ABCB1: variants seen among roughly 807,000 people sequenced by gnomAD.
The protein encoded by ABCB1 is ATP-dependent translocase ABCB1.
Under a neutral mutation model 142.0 loss-of-function variants are expected in ABCB1, and 69 were observed. The ratio of observed to expected loss-of-function variants is 0.49; its 90% CI spans 0.40 to 0.59. The LOEUF (loss-of-function observed/expected upper bound fraction) is 0.59. Ranked by LOEUF, ABCB1 falls within the 20% of genes least tolerant of loss-of-function variation. ABCB1 has a pLI of 0.00. For synonymous variants in ABCB1, 532 were observed against 539.2 expected, an observed-to-expected ratio of 0.99 and a Z score of 0.18; for missense variants, 1,326 against 1,554.7, an observed-to-expected ratio of 0.85 and a Z score of 2.47.
At chr7:87,568,242 C>CAATAATAATAATAATAATAATAACAAT (rs1554435542) in intron 5 of ABCB1, among the ~76,000 whole-genome samples, 104 of 135,906 alleles carry the variant, frequency 7.7e-4, no homozygotes, top group Middle Eastern at 3.4e-3. Context: ...AAAAATACGA[C>CAATAATAATAATAATAATAATAACAAT]AATAATAATA....
chr7:87,579,008 A>G (rs1234009781), intron 4 of ABCB1, among the ~76,000 whole-genome samples: 1 of 152,086 alleles, frequency 6.6e-6, no homozygotes, highest in African/African-American at 2.4e-5. Context: ...TACTTTCTTG[A>G]TTACCTTTTC....
chr7:87,544,560 G>A (rs866237015), intron 16 of ABCB1, among the ~76,000 whole-genome samples: 1 of 152,126 alleles, frequency 6.6e-6, no homozygotes, highest in Admixed American at 6.5e-5. Flanking sequence ...GTATTTATAA[G>A]CAGGAGTAAA....
intron 7 of ABCB1, chr7:87,563,995 A>T (rs770225705): frequency 7.5e-6 from 2 of 264,954 alleles, no homozygotes; most frequent in Non-Finnish European, 1.5e-5. Context: ...GGGGAACAAC[A>T]CACACTGGGG....
At chr7:87,604,611 T>G (rs1319213787), upstream of ABCB1, among the ~76,000 whole-genome samples, 1 of 152,100 alleles carries the variant, frequency 6.6e-6, no homozygotes, top group Admixed American at 6.5e-5. Flanking sequence ...ATTGCTTCTA[T>G]GGACACCTGC....
At chr7:87,645,314 C>G (rs1221746717) in intron 1 of ABCB1, among the ~76,000 whole-genome samples, 1 of 151,988 alleles carries the variant, frequency 6.6e-6, no homozygotes, top group Non-Finnish European at 1.5e-5. Context: ...GAACTCCTGA[C>G]CTCAGGTTGT....
intron 5 of ABCB1, among the ~76,000 whole-genome samples, chr7:87,568,567 A>G (rs996469763): frequency 6.6e-6 from 1 of 152,208 alleles, no homozygotes; most frequent in Non-Finnish European, 1.5e-5. Flanking sequence ...TGTTTGAATC[A>G]TGCAGAAGCT....
At chr7:87,572,180 T>TAGAG (rs201620488) in intron 4 of ABCB1, among the ~76,000 whole-genome samples, 34,065 of 152,082 alleles carry the variant, frequency 0.22, 4,333 homozygotes, top group African/African-American at 0.35. Context: ...CTTCTGTATT[T>TAGAG]ACCAGGAAAT....
chr7:87,600,718 C>G (rs1466247243), intron 1 of ABCB1, 37 bp downstream of exon 1: 4 of 162,020 alleles, frequency 2.5e-5, no homozygotes, highest in Non-Finnish European at 5.4e-5. Context: ...CACTTGGGAA[C>G]TGTCCCATAG....
intron 1 of ABCB1, among the ~76,000 whole-genome samples, chr7:87,648,691 A>T (rs1823270580): frequency 6.6e-6 from 1 of 152,152 alleles, no homozygotes; most frequent in South Asian, 2.1e-4. Flanking sequence ...TAAATGTTTT[A>T]GTATTTTTTA....
chr7:87,581,162 G>T (rs1283740256), intron 4 of ABCB1, among the ~76,000 whole-genome samples: 1 of 151,766 alleles, frequency 6.6e-6, no homozygotes, highest in Non-Finnish European at 1.5e-5. Context: ...TCACTATCTT[G>T]CCCAGGCTAG....
At chr7:87,639,862 T>G (rs1413970933) in intron 1 of ABCB1, among the ~76,000 whole-genome samples, 1 of 151,954 alleles carries the variant, frequency 6.6e-6, no homozygotes, top group Non-Finnish European at 1.5e-5. Flanking sequence ...CTTTTAATTA[T>G]TTAGCCCATT....
chr7:87,700,538 G>C, intron 1 of ABCB1: 3 of 1,612,514 alleles, frequency 1.9e-6, no homozygotes, highest in Non-Finnish European at 2.5e-6. Flanking sequence ...GAAAATGTCA[G>C]TTCTTCTAGA....
chr7:87,709,601 G>A, intron 1 of ABCB1: 4 of 752,798 alleles, frequency 5.3e-6, no homozygotes, highest in Non-Finnish European at 4.9e-6. Context: ...TTTAACTACT[G>A]CCTATATTGA....
chr7:87,531,486 G>A lies in ABCB1; in HGVS notation c.2493C>T (p.Ser831=). 2 of 1,612,938 alleles carry A rather than the reference G, an allele frequency of 1.2e-6. No individual in the cohort carries two copies. The highest frequency in any genetic ancestry group is 1.7e-5 in the Admixed American group (1 of 59,930). Residue 831 remains serine (S), a synonymous_variant, in exon 21 of 28, where the codon TCC becomes TCT. Coordinates refer to ENST00000622132, the MANE Select transcript of ABCB1 (RefSeq NM_001348946.2). ...DAAQVKGAIG[S]RLAVITQNIA... ...TATTCTGGGTAATTACAGCAAGCCT[G>A]GAACCTATAGCCTGCAAAACAAAAC... is the stretch of plus-strand genomic sequence containing the variant.
At position 87,561,245 on chromosome 7, in the gene ABCB1, T is replaced by TA. The variant is rs761144202; in HGVS notation, c.827+17dup. 1 of 1,613,290 alleles carries TA rather than the reference T, an allele frequency of 6.2e-7. No individual in the cohort carries two copies. Among genetic ancestry groups the TA allele is most frequent in the Non-Finnish European group, 8.5e-7 (1 of 1,179,706 alleles). ...ACAGAATTTAACATATCTATCCATT[T>TA]AAAAAAGAAACTCAAACCTTTCAAG... On this transcript the variant is annotated intron_variant, in intron 8 of 27. Coordinates refer to ENST00000622132, the MANE Select transcript of ABCB1 (RefSeq NM_001348946.2).
intron 20 of ABCB1, among the ~76,000 whole-genome samples, chr7:87,534,917 TAAAAAAA>T (rs139364527): frequency 2.2e-5 from 2 of 91,810 alleles, no homozygotes; most frequent in Admixed American, 1.3e-4. Flanking sequence ...CCTGTCTCTT[TAAAAAAA>T]AAAAAAAAAA....
At chr7:87,677,053 T>C (rs75957367) in intron 1 of ABCB1, among the ~76,000 whole-genome samples, 4,748 of 152,250 alleles carry the variant, frequency 0.031, 72 homozygotes, top group Middle Eastern at 0.048. Flanking sequence ...ACAGCCATTA[T>C]GGAAAACAGT....
intron 4 of ABCB1, among the ~76,000 whole-genome samples, chr7:87,581,251 C>T (rs1478842756): frequency 2.6e-5 from 4 of 152,110 alleles, no homozygotes; most frequent in Non-Finnish European, 5.9e-5. Context: ...ACCACCACAC[C>T]CAGCTTCTAG....
intron 7 of ABCB1, among the ~76,000 whole-genome samples, chr7:87,565,756 T>C (rs1190500282): frequency 6.6e-6 from 1 of 152,138 alleles, no homozygotes; most frequent in African/African-American, 2.4e-5. Flanking sequence ...TTCAAGTTTT[T>C]TTTTTTTGTT....
Sources: gnomAD v4.1 joint callset for allele counts (sites outside exome capture counted in the v4.1 genomes callset) on GRCh38, gnomAD v4.1.1 for gene constraint, MANE v1.5 for transcripts, NCBI Gene and HGNC (gene_info 2026-07-23, HGNC 2026-07-21) for gene names.